SPON1: variants seen among roughly 807,000 people sequenced by gnomAD.
SPON1 encodes spondin 1, also known as spondin-1.
Under a neutral mutation model 111.7 loss-of-function variants are expected in SPON1, and 52 were observed. That is an observed-to-expected ratio of 0.47 (90% CI 0.37 to 0.59). The LOEUF (loss-of-function observed/expected upper bound fraction) is 0.59. Ranked by LOEUF, SPON1 falls within the 20% of genes least tolerant of loss-of-function variation. SPON1 has a pLI of 0.00. For missense variants in SPON1, 957 were observed against 1,068.5 expected (o/e 0.90, Z 1.46); for synonymous variants, 410 against 395.8 (o/e 1.04, Z -0.43).
At chr11:14,193,589 G>A (rs1848370323) in intron 6 of SPON1, among the ~76,000 whole-genome samples, 1 of 152,148 alleles carries the variant, frequency 6.6e-6, no homozygotes, top group Non-Finnish European at 1.5e-5. Context: ...ATGTCACTTT[G>A]TGGGATGCTT....
intron 6 of SPON1, among the ~76,000 whole-genome samples, chr11:14,207,440 G>A (rs1398180342): frequency 1.3e-5 from 2 of 152,154 alleles, no homozygotes; most frequent in Non-Finnish European, 2.9e-5. Context: ...CGGAATAGGA[G>A]AAAAATTTTG....
At chr11:14,231,937 A>ACCC (rs1848808839) in intron 6 of SPON1, among the ~76,000 whole-genome samples, 1 of 74,900 alleles carries the variant, frequency 1.3e-5, no homozygotes, top group Non-Finnish European at 3.0e-5. Context: ...GTGGGATTAT[A>ACCC]GGGTCATTCT....
intron 1 of SPON1, among the ~76,000 whole-genome samples, chr11:13,972,147 C>G (rs528049689): frequency 6.6e-6 from 1 of 152,100 alleles, no homozygotes; most frequent in Non-Finnish European, 1.5e-5. Context: ...ACTTTGTGCC[C>G]CAGATGTGGT....
chr11:14,053,431 T>G (rs1299846785), intron 3 of SPON1, among the ~76,000 whole-genome samples: 1 of 152,216 alleles, frequency 6.6e-6, no homozygotes, highest in Non-Finnish European at 1.5e-5. Context: ...TTTTTTCACT[T>G]AACATAATGT....
At chr11:14,254,009 A>G (rs1333581945) in intron 7 of SPON1, among the ~76,000 whole-genome samples, 1 of 152,210 alleles carries the variant, frequency 6.6e-6, no homozygotes, top group Non-Finnish European at 1.5e-5. Flanking sequence ...TCAGGATGTT[A>G]TTCCCAGCAA....
rs1394179983 is a variant in SPON1, at chr11:14,259,760, T to C, written c.1831+59T>C. On this transcript the variant is annotated intron_variant, in intron 13 of 15. Transcript: ENST00000576479. The surrounding 1 kb of genome is among the most constrained non-coding windows in gnomAD (Gnocchi z 5.0). The stretch of plus-strand genomic sequence containing the variant: ...CACTGGGGACAGGCGTGGAGGGCCA[T>C]GGCATCCACTATTACCACCATAAAG... 14 of 1,493,076 alleles carry C rather than the reference T, an allele frequency of 9.4e-6. No individual in the cohort carries two copies. The highest frequency in any genetic ancestry group is 1.3e-5 in the Non-Finnish European group (14 of 1,105,256). The allele number at this position is 1,493,076 out of a possible 1,614,324, so 92.5% of individuals were successfully genotyped here.
chr11:14,096,218 G>C (rs1316958892), intron 5 of SPON1, among the ~76,000 whole-genome samples: 1 of 152,180 alleles, frequency 6.6e-6, no homozygotes, highest in African/African-American at 2.4e-5. Context: ...AGTGGAGAAG[G>C]AAAGTCCATG....
At chr11:14,227,526 G>C (rs1848753360) in intron 6 of SPON1, among the ~76,000 whole-genome samples, 1 of 152,158 alleles carries the variant, frequency 6.6e-6, no homozygotes, top group Non-Finnish European at 1.5e-5. Flanking sequence ...CTCTCTGTCA[G>C]GGATGGATGC....
chr11:14,232,757 A>T (rs181250140), intron 6 of SPON1, among the ~76,000 whole-genome samples: 1 of 151,812 alleles, frequency 6.6e-6, no homozygotes, highest in African/African-American at 2.4e-5. Context: ...ATTTTTCTCA[A>T]CTCCACAGCC....
intron 6 of SPON1, among the ~76,000 whole-genome samples, chr11:14,186,951 A>T (rs1223683902): frequency 6.6e-6 from 1 of 152,224 alleles, no homozygotes; most frequent in African/African-American, 2.4e-5. Flanking sequence ...TCCACTTTGC[A>T]TTGCTATAAA....
At chr11:14,068,588 T>C (rs896430543) in intron 3 of SPON1, among the ~76,000 whole-genome samples, 5 of 152,186 alleles carry the variant, frequency 3.3e-5, no homozygotes, top group African/African-American at 1.2e-4. Context: ...CAAGGGTCTC[T>C]TTTAGGTGTG....
chr11:14,093,044 G>A (rs1849071537), intron 5 of SPON1, among the ~76,000 whole-genome samples: 1 of 152,168 alleles, frequency 6.6e-6, no homozygotes, highest in Non-Finnish European at 1.5e-5. Flanking sequence ...CAAATTTGGT[G>A]CCATACTGAA....
chr11:14,076,667 G>T (rs1412942156), intron 4 of SPON1, among the ~76,000 whole-genome samples: 1 of 152,184 alleles, frequency 6.6e-6, no homozygotes, highest in East Asian at 1.9e-4. Flanking sequence ...CTGCTTCCCA[G>T]TTCAGTAGTT....
chr11:14,105,937 C>G (rs973185178), intron 5 of SPON1, among the ~76,000 whole-genome samples: 4 of 152,140 alleles, frequency 2.6e-5, no homozygotes, highest in Non-Finnish European at 4.4e-5. Context: ...AGTCCCATTA[C>G]CACTGAGAGG....
At chr11:14,226,058 T>C (rs1309412557) in intron 6 of SPON1, among the ~76,000 whole-genome samples, 2 of 152,250 alleles carry the variant, frequency 1.3e-5, no homozygotes, top group African/African-American at 4.8e-5. Context: ...AGTTGTATGG[T>C]TCATAAAGTG....
chr11:14,113,759 C>T (rs551583563), intron 5 of SPON1, among the ~76,000 whole-genome samples: 1 of 151,460 alleles, frequency 6.6e-6, no homozygotes, highest in Non-Finnish European at 1.5e-5. Flanking sequence ...CCCGCCACCA[C>T]GCCCGGCTAA....
In SPON1 at chr11:14,169,871, C is replaced by A. The variant is rs571486850; in HGVS notation, c.825+34303C>A. 8.0e-3 allele frequency among the ~76,000 whole-genome samples: 1,225 copies of A among 152,218 alleles called. 17 individuals are homozygous for A. Among genetic ancestry groups the A allele is most frequent in the African/African-American group, 0.028 (1,179 of 41,516 alleles). On this transcript the variant is annotated intron_variant, in intron 6 of 15. Coordinates refer to ENST00000576479, the MANE Select transcript of SPON1 (RefSeq NM_006108.4). ...TTGGTCTATATCTCTGTTTTGGTAC[C>A]AGTACCATGCTGTTTTGGTTACTGT... is the stretch of plus-strand genomic sequence containing the variant.
chr11:14,082,203 T>C (rs990474096), intron 5 of SPON1, among the ~76,000 whole-genome samples: 1 of 152,160 alleles, frequency 6.6e-6, no homozygotes, highest in Non-Finnish European at 1.5e-5. Context: ...AAAAATTGTT[T>C]CTGGGTCTTT....
chr11:14,058,846 A>G (rs1848767739), intron 3 of SPON1, among the ~76,000 whole-genome samples: 1 of 152,310 alleles, frequency 6.6e-6, no homozygotes, highest in Non-Finnish European at 1.5e-5. Flanking sequence ...AGCTTGCTCA[A>G]CATGATATAG....
Sources: allele counts gnomAD v4.1 joint callset (sites outside exome capture counted in the v4.1 genomes callset), GRCh38; gene constraint gnomAD v4.1.1; non-coding constraint Gnocchi (gnomAD v3.1); transcripts MANE v1.5; gene names NCBI Gene and HGNC (gene_info 2026-07-23, HGNC 2026-07-21).